Variants in CTNNA3 observed in about 807,000 individuals in gnomAD.
CTNNA3 encodes catenin alpha-3.
In CTNNA3, 76 loss-of-function variants were observed where a neutral mutation model predicts 95.7. The ratio of observed to expected loss-of-function variants is 0.79; its 90% CI spans 0.66 to 0.96. The LOEUF (loss-of-function observed/expected upper bound fraction) is 0.96. CTNNA3 is among the 40% of genes least tolerant of loss of function. The pLI is 0.00. For synonymous variants in CTNNA3, 431 were observed against 374.4 expected (o/e 1.15, Z -1.74); for missense variants, 1,191 against 1,089.8 (o/e 1.09, Z -1.31).
chr10:66,957,373 T>G (rs1848846351), intron 7 of CTNNA3, among the ~76,000 whole-genome samples: 1 of 108,540 alleles, frequency 9.2e-6, no homozygotes. Context: ...ATATCCAGAA[T>G]ATGTGTGTGT....
chr10:66,263,010 T>C (rs555693959), intron 13 of CTNNA3, among the ~76,000 whole-genome samples: 2 of 152,098 alleles, frequency 1.3e-5, no homozygotes, highest in South Asian at 4.1e-4. Flanking sequence ...AGAAATACTT[T>C]CTTCTCAAAG....
chr10:65,947,222 T>A (rs185999765), intron 17 of CTNNA3, among the ~76,000 whole-genome samples: 3 of 151,860 alleles, frequency 2.0e-5, no homozygotes, highest in African/African-American at 7.2e-5. Flanking sequence ...AAAACAGGAA[T>A]GGACAAAAAA....
At chr10:66,068,774 G>T (rs969717018) in intron 15 of CTNNA3, among the ~76,000 whole-genome samples, 1 of 152,110 alleles carries the variant, frequency 6.6e-6, no homozygotes, top group Non-Finnish European at 1.5e-5. Flanking sequence ...TCTATAAAAT[G>T]ACATTTTAAG....
chr10:67,088,199 A>G (rs866917683), intron 7 of CTNNA3, among the ~76,000 whole-genome samples: 8 of 151,256 alleles, frequency 5.3e-5, no homozygotes, highest in African/African-American at 1.5e-4. Context: ...CTAGGCATGT[A>G]TTGGAATGGC....
intron 3 of CTNNA3, among the ~76,000 whole-genome samples, chr10:67,549,346 C>G (rs1266401856): frequency 2.6e-5 from 4 of 152,134 alleles, no homozygotes; most frequent in Non-Finnish European, 4.4e-5. Context: ...GGGTGTCGAT[C>G]TTGTTCACCA....
chr10:67,750,241 G>A (rs1013379534), intron 1 of CTNNA3: 23 of 1,479,846 alleles, frequency 1.6e-5, no homozygotes, highest in Middle Eastern at 2.4e-4. Flanking sequence ...ACAGCAGGAC[G>A]TGAGACTTCT....
At chr10:66,401,279 C>A (rs2093017674) in intron 11 of CTNNA3, among the ~76,000 whole-genome samples, 1 of 152,046 alleles carries the variant, frequency 6.6e-6, no homozygotes, top group Non-Finnish European at 1.5e-5. Context: ...ATAATCCCAG[C>A]ACGCTGGGAG....
chr10:67,403,760 G>A (rs1845019724), intron 5 of CTNNA3, among the ~76,000 whole-genome samples: 1 of 152,200 alleles, frequency 6.6e-6, no homozygotes, highest in African/African-American at 2.4e-5. Context: ...CTCCTGACTA[G>A]GTGAGACCTC....
intron 5 of CTNNA3, among the ~76,000 whole-genome samples, chr10:67,451,865 A>G (rs1173784094): frequency 6.6e-6 from 1 of 152,142 alleles, no homozygotes; most frequent in East Asian, 1.9e-4. Context: ...GCTGCTACAT[A>G]AAGGCCTATA....
chr10:66,615,852 C>T (rs1844492346), intron 10 of CTNNA3, among the ~76,000 whole-genome samples: 1 of 151,976 alleles, frequency 6.6e-6, no homozygotes. Context: ...TATGCTCGTG[C>T]AATAGGTTGT....
intron 5 of CTNNA3, among the ~76,000 whole-genome samples, chr10:67,343,945 A>T (rs1467118139): frequency 2.0e-5 from 3 of 147,818 alleles, no homozygotes; most frequent in Non-Finnish European, 4.5e-5. Flanking sequence ...TATTATATTA[A>T]TTATACTTTA....
intron 7 of CTNNA3, among the ~76,000 whole-genome samples, chr10:67,173,277 GTCC>G (rs1862095934): frequency 6.6e-6 from 1 of 152,244 alleles, no homozygotes; most frequent in African/African-American, 2.4e-5. Context: ...ACTGGGAACA[GTCC>G]TCAGTTGCAG....
rs73319968 is a variant in CTNNA3, at chr10:66,306,374, A to G, written c.1733-25753T>C. 7.0e-3 allele frequency among the ~76,000 whole-genome samples: 1,059 copies of G among 152,262 alleles called. 15 individuals carry two copies. The highest frequency in any genetic ancestry group is 0.024 in the African/African-American group (988 of 41,530). ...TTCTTTTATTTTTTTAACTGCCACAAATTTATAGTATCTTAGTGTTACTGC... is the reference window on the plus strand; with the variant it reads ...TTCTTTTATTTTTTTAACTGCCACAGATTTATAGTATCTTAGTGTTACTGC... On this transcript the variant is annotated intron_variant, in intron 12 of 17. Transcript: ENST00000433211.
At chr10:67,225,370 A>G (rs1864856723) in intron 5 of CTNNA3, among the ~76,000 whole-genome samples, 1 of 152,172 alleles carries the variant, frequency 6.6e-6, no homozygotes, top group Admixed American at 6.5e-5. Flanking sequence ...ATACTACCAC[A>G]GCTGATGCTC....
At chr10:66,794,383 AG>A (rs1386014872) in intron 7 of CTNNA3, among the ~76,000 whole-genome samples, 7 of 152,188 alleles carry the variant, frequency 4.6e-5, no homozygotes, top group African/African-American at 1.7e-4. Context: ...TGCATATAAA[AG>A]TTAAGTTTAC....
At chr10:66,337,176 C>T (rs1283625261) in intron 12 of CTNNA3, among the ~76,000 whole-genome samples, 2 of 151,900 alleles carry the variant, frequency 1.3e-5, no homozygotes, top group Non-Finnish European at 1.5e-5. Context: ...AATTTGTAAA[C>T]AAATTTTTAA....
intron 11 of CTNNA3, among the ~76,000 whole-genome samples, chr10:66,441,228 G>C (rs2441747): frequency 0.5 from 55,730 of 111,582 alleles, 12,926 homozygotes; most frequent in African/African-American, 0.72. Flanking sequence ...TTGCTTTTCT[G>C]ATGGTGCTTG....
At chr10:66,240,325 T>A (rs1233931761) in intron 13 of CTNNA3, among the ~76,000 whole-genome samples, 1 of 152,070 alleles carries the variant, frequency 6.6e-6, no homozygotes, top group Non-Finnish European at 1.5e-5. Context: ...TGTAAACGGC[T>A]CATTTGAAAT....
At chr10:66,421,209 C>T (rs1405420040) in intron 11 of CTNNA3, among the ~76,000 whole-genome samples, 2 of 151,878 alleles carry the variant, frequency 1.3e-5, no homozygotes, top group African/African-American at 4.8e-5. Context: ...AAAGATTGAT[C>T]TGATAATGGT....
Sources: gnomAD v4.1 joint callset for allele counts (sites outside exome capture counted in the v4.1 genomes callset) on GRCh38, gnomAD v4.1.1 for gene constraint, MANE v1.5 for transcripts, NCBI Gene and HGNC (gene_info 2026-07-23, HGNC 2026-07-21) for gene names.